The following DACH1 variants were observed in gnomAD, a reference collection of about 807,000 sequenced individuals.
The protein encoded by DACH1 is dachshund homolog 1.
DACH1 carries 12 observed loss-of-function variants against 54.2 expected under a neutral mutation model. That is an observed-to-expected ratio of 0.22 (90% CI 0.14 to 0.36). The LOEUF is 0.36. Among genes scored for constraint, DACH1 ranks in the 10% least tolerant of loss-of-function variants. The pLI is 1.00. For synonymous variants in DACH1, 386 were observed against 366.2 expected (o/e 1.05, Z -0.62); for missense variants, 805 against 929.8 (o/e 0.87, Z 1.75).
intron 1 of DACH1, among the ~76,000 whole-genome samples, chr13:71,773,014 A>G (rs575140388): frequency 1.3e-5 from 2 of 151,952 alleles, no homozygotes; most frequent in South Asian, 4.1e-4. Flanking sequence ...TAATGATACT[A>G]CATAGTACAT....
intron 1 of DACH1, among the ~76,000 whole-genome samples, chr13:71,718,303 G>A (rs757673503): frequency 2.6e-4 from 39 of 152,046 alleles, no homozygotes; most frequent in Admixed American, 9.2e-4. Context: ...GCTCTCTTCC[G>A]GCTGGGCACA....
chr13:71,866,484 C>T lies in DACH1; in HGVS notation c.286G>A (p.Gly96Ser). The change falls in exon 1 of 11, where the codon GGC becomes AGC. Residue 96 changes from glycine (G) to serine (S), a missense_variant. This residue lies in a region of DACH1 where 305 missense variants were observed against 308.7 expected (regional missense o/e 0.99). Coordinates refer to ENST00000613252, the MANE Select transcript of DACH1 (RefSeq NM_080759.6). ...GGSSGNGGGG[G>S]GGGGGSNCNP... Reference sequence around the variant, plus strand: ...CAGTTGCTGCCACCGCCGCCGCCGCCACCGCCGCCTCCGTTGCCGCTGCTG... The same window carrying T: ...CAGTTGCTGCCACCGCCGCCGCCGCTACCGCCGCCTCCGTTGCCGCTGCTG... 8.0e-7 allele frequency: 1 copy of T among 1,249,988 alleles called. No individual in the cohort carries two copies. Among genetic ancestry groups the T allele is most frequent in the Non-Finnish European group, 1.0e-6 (1 of 994,010 alleles). The allele number at this position is 1,249,988 out of a possible 1,614,324, so 77.4% of individuals were successfully genotyped here. A position where few individuals can be genotyped will look rare whatever the true frequency, so the allele number is the denominator to read the frequency against.
At chr13:71,587,506 C>T (rs554138079) in intron 3 of DACH1, among the ~76,000 whole-genome samples, 2 of 152,132 alleles carry the variant, frequency 1.3e-5, no homozygotes, top group Non-Finnish European at 2.9e-5. Flanking sequence ...GAAATAAAAA[C>T]TTATGATGGA....
At chr13:71,687,977 G>A (rs1349324676) in intron 1 of DACH1, among the ~76,000 whole-genome samples, 2 of 152,108 alleles carry the variant, frequency 1.3e-5, no homozygotes, top group Non-Finnish European at 2.9e-5. Flanking sequence ...CTTCATTGTG[G>A]ACAAATCATG....
chr13:71,665,034 G>A (rs763737064), intron 2 of DACH1, among the ~76,000 whole-genome samples: 1 of 151,940 alleles, frequency 6.6e-6, no homozygotes, highest in African/African-American at 2.4e-5. Context: ...GACTATAAGA[G>A]TGAGTTATTA....
At chr13:71,835,193 G>A (rs986237194) in intron 1 of DACH1, among the ~76,000 whole-genome samples, 1 of 151,998 alleles carries the variant, frequency 6.6e-6, no homozygotes, top group African/African-American at 2.4e-5. Context: ...CCACCAGTCT[G>A]TTAGAAAAGA....
intron 10 of DACH1, among the ~76,000 whole-genome samples, chr13:71,466,095 G>A (rs1001678195): frequency 2.0e-5 from 3 of 151,906 alleles, no homozygotes; most frequent in Admixed American, 6.6e-5. Flanking sequence ...TATACTGACC[G>A]CAGAGATGTG....
At chr13:71,775,466 C>T (rs901231570) in intron 1 of DACH1, among the ~76,000 whole-genome samples, 8 of 152,028 alleles carry the variant, frequency 5.3e-5, no homozygotes, top group Admixed American at 1.3e-4. Context: ...TTAGTACAAT[C>T]GCAAAATGAT....
intron 2 of DACH1, chr13:71,675,180 T>G: frequency 6.3e-7 from 1 of 1,585,680 alleles, no homozygotes; most frequent in Non-Finnish European, 8.7e-7. Flanking sequence ...TGAAGAAACC[T>G]CATCGTAACA....
intron 1 of DACH1, among the ~76,000 whole-genome samples, chr13:71,854,885 A>G (rs957104722): frequency 1.2e-4 from 18 of 152,088 alleles, no homozygotes; most frequent in African/African-American, 3.1e-4. Context: ...ATGATTTTTC[A>G]TCTTCATTCA....
At chr13:71,456,156 A>G (rs373223858) in intron 10 of DACH1, among the ~76,000 whole-genome samples, 1 of 152,142 alleles carries the variant, frequency 6.6e-6, no homozygotes, top group South Asian at 2.1e-4. Flanking sequence ...TGTTCTCAGC[A>G]TATATTAAAT....
chr13:71,657,931 C>T (rs866678364), intron 2 of DACH1, among the ~76,000 whole-genome samples: 102 of 152,036 alleles, frequency 6.7e-4, no homozygotes, highest in African/African-American at 2.3e-3. Context: ...AGTATACTCA[C>T]GAACTTAAAT....
chr13:71,559,197 A>G (rs1042218230), intron 5 of DACH1, among the ~76,000 whole-genome samples: 2 of 152,142 alleles, frequency 1.3e-5, no homozygotes, highest in East Asian at 3.9e-4. Context: ...TATTGTGAAA[A>G]TATTATAAAA....
chr13:71,710,802 T>A (rs1429395994), intron 1 of DACH1, among the ~76,000 whole-genome samples: 1 of 152,146 alleles, frequency 6.6e-6, no homozygotes, highest in Non-Finnish European at 1.5e-5. Flanking sequence ...GTGGAACATC[T>A]GCAAAGCAAA....
At chr13:71,501,507 T>C (rs551552672) in intron 6 of DACH1, among the ~76,000 whole-genome samples, 1 of 152,306 alleles carries the variant, frequency 6.6e-6, no homozygotes, top group East Asian at 1.9e-4. Context: ...AGAGCATATG[T>C]TTGAGATTTG....
chr13:71,804,095 A>G (rs1887393271), intron 1 of DACH1, among the ~76,000 whole-genome samples: 1 of 152,112 alleles, frequency 6.6e-6, no homozygotes, highest in East Asian at 1.9e-4. Context: ...AAAGTGGGAG[A>G]ATTGCTTGAG....
At chr13:71,652,262 T>C (rs1462534917) in intron 2 of DACH1, among the ~76,000 whole-genome samples, 1 of 152,152 alleles carries the variant, frequency 6.6e-6, no homozygotes, top group Non-Finnish European at 1.5e-5. Flanking sequence ...TAACAAATCG[T>C]TACTGTCCCT....
At chr13:71,720,428 C>T (rs1051759766) in intron 1 of DACH1, among the ~76,000 whole-genome samples, 1 of 152,166 alleles carries the variant, frequency 6.6e-6, no homozygotes. Flanking sequence ...TGTCAAGAGA[C>T]ACACCTTGTT....
chr13:71,674,440 T>TACACACACACACAC (rs57078245), intron 2 of DACH1, among the ~76,000 whole-genome samples: 3 of 141,046 alleles, frequency 2.1e-5, no homozygotes, highest in South Asian at 2.4e-4. Context: ...AGGGAGATTT[T>TACACACACACACAC]ACACACACAC....
Sources: allele counts gnomAD v4.1 joint callset (sites outside exome capture counted in the v4.1 genomes callset), GRCh38; gene constraint gnomAD v4.1.1; regional missense constraint gnomAD v4.1.1; transcripts MANE v1.5; gene names NCBI Gene and HGNC (gene_info 2026-07-23, HGNC 2026-07-21).